The following GRIK3 variants were observed in gnomAD, a reference collection of about 807,000 sequenced individuals.
GRIK3 encodes glutamate ionotropic receptor kainate type subunit 3.
GRIK3 carries 29 observed loss-of-function variants against 102.5 expected under a neutral mutation model. The ratio of observed to expected loss-of-function variants is 0.28; its 90% CI spans 0.21 to 0.39. The LOEUF (loss-of-function observed/expected upper bound fraction) is 0.39. Among genes scored for constraint, GRIK3 ranks in the 10% least tolerant of loss-of-function variants. The pLI is 1.00. For synonymous variants in GRIK3, 511 were observed against 504.9 expected, an observed-to-expected ratio of 1.01 and a Z score of -0.16; for missense variants, 908 against 1,252.4, an observed-to-expected ratio of 0.73 and a Z score of 4.15.
At chr1:37,012,559 G>A (rs1375389333) in intron 1 of GRIK3, among the ~76,000 whole-genome samples, 1 of 152,220 alleles carries the variant, frequency 6.6e-6, no homozygotes, top group Non-Finnish European at 1.5e-5. Context: ...CAGAGTGGAA[G>A]GGAGTTTTAC....
chr1:36,864,393 C>T (rs143504394), intron 5 of GRIK3, among the ~76,000 whole-genome samples: 355 of 152,332 alleles, frequency 2.3e-3, no homozygotes, highest in Non-Finnish European at 4.3e-3. Context: ...GGGCGCCCTC[C>T]TCACCTTTCC....
intron 1 of GRIK3, among the ~76,000 whole-genome samples, chr1:36,976,582 C>G (rs1642198561): frequency 6.6e-6 from 1 of 152,054 alleles, no homozygotes; most frequent in Non-Finnish European, 1.5e-5. Flanking sequence ...TCCGGCTTCA[C>G]AACTGCCCAG....
intron 1 of GRIK3, among the ~76,000 whole-genome samples, chr1:36,978,088 C>T (rs777570825): frequency 6.6e-6 from 1 of 152,272 alleles, no homozygotes; most frequent in African/African-American, 2.4e-5. Context: ...TTAAATAGCA[C>T]TTCCAGAAAA....
intron 8 of GRIK3, among the ~76,000 whole-genome samples, chr1:36,851,589 A>G (rs1570760044): frequency 6.6e-6 from 1 of 152,230 alleles, no homozygotes; most frequent in Non-Finnish European, 1.5e-5. Flanking sequence ...CCCTCACTTG[A>G]GCTCCAACTG....
At chr1:36,934,501 A>C (rs1641632241) in intron 1 of GRIK3, among the ~76,000 whole-genome samples, 1 of 152,212 alleles carries the variant, frequency 6.6e-6, no homozygotes, top group Non-Finnish European at 1.5e-5. Flanking sequence ...ATGCTGTCTC[A>C]TCCACTCTTC....
At chr1:36,829,574 C>A (rs1016863951) in intron 10 of GRIK3, among the ~76,000 whole-genome samples, 1 of 152,014 alleles carries the variant, frequency 6.6e-6, no homozygotes, top group Non-Finnish European at 1.5e-5. Context: ...TCACCAAGGA[C>A]CTTTCTGTAC....
At chr1:37,005,058 G>A (rs949181097) in intron 1 of GRIK3, among the ~76,000 whole-genome samples, 7 of 152,206 alleles carry the variant, frequency 4.6e-5, no homozygotes, top group Non-Finnish European at 1.0e-4. Flanking sequence ...TCTAAAGACA[G>A]TTTCTCTAAT....
Position 36,963,357 on chromosome 1 carries a change from G to C in GRIK3, c.115+70637C>G, listed in dbSNP as rs539770126. 5.3e-5 allele frequency among the ~76,000 whole-genome samples: 8 copies of C among 152,236 alleles called. No homozygotes were observed. In the South Asian group the frequency reaches 1.5e-3, roughly 28 times the overall value. ...CTCCTGAGACCAGGACACTCGAGAC[G>C]CCAGGCAGAACGTGAGAGTCACACC... is the stretch of plus-strand genomic sequence containing the variant. On this transcript the variant is annotated intron_variant, in intron 1 of 15. Coordinates refer to ENST00000373091, the MANE Select transcript of GRIK3 (RefSeq NM_000831.4).
intron 1 of GRIK3, among the ~76,000 whole-genome samples, chr1:37,024,742 C>CAA (rs11314211): frequency 0.09 from 6,371 of 70,668 alleles, 482 homozygotes; most frequent in East Asian, 0.43. Context: ...GACTCCATCT[C>CAA]AAAAAAAAAA....
At chr1:36,952,594 T>C (rs1453855934) in intron 1 of GRIK3, among the ~76,000 whole-genome samples, 1 of 152,188 alleles carries the variant, frequency 6.6e-6, no homozygotes, top group Non-Finnish European at 1.5e-5. Flanking sequence ...ACACACATAA[T>C]GAACACGCAC....
intron 10 of GRIK3, among the ~76,000 whole-genome samples, chr1:36,832,729 G>A (rs1472102105): frequency 6.6e-6 from 1 of 152,202 alleles, no homozygotes; most frequent in African/African-American, 2.4e-5. Flanking sequence ...TGGGAAGGAT[G>A]GGCAGGTCTT....
intron 5 of GRIK3, among the ~76,000 whole-genome samples, chr1:36,861,124 T>C (rs974584300): frequency 1.3e-5 from 2 of 152,216 alleles, no homozygotes; most frequent in African/African-American, 4.8e-5. Context: ...CTGAAATACC[T>C]ATAAATACCC....
chr1:36,886,502 A>G (rs1641039150), intron 2 of GRIK3, among the ~76,000 whole-genome samples: 1 of 152,212 alleles, frequency 6.6e-6, no homozygotes, highest in Non-Finnish European at 1.5e-5. Context: ...CCTGAGGGAT[A>G]GAGGGTACCC....
In GRIK3 at chr1:36,912,522, G is replaced by T. The variant is rs143354603; in HGVS notation, c.116-21426C>A. On this transcript the variant is annotated intron_variant, in intron 1 of 15. Transcript: ENST00000373091. ...CGGTCTCTCTTCCCTGCTCCCTCAT[G>T]GTCCTGATTCCTGGAGCCGCCTCCC... Among the ~76,000 whole-genome samples the T allele has an allele frequency of 4.6e-5, 7 of 151,878 alleles. No individual in the cohort carries two copies. The East Asian group carries it at 1.2e-3, about 25-fold the overall frequency.
intron 15 of GRIK3, among the ~76,000 whole-genome samples, chr1:36,803,393 T>C (rs1642463479): frequency 6.6e-6 from 1 of 152,118 alleles, no homozygotes; most frequent in Non-Finnish European, 1.5e-5. Flanking sequence ...TTAGGCTTTT[T>C]GGTGGAATGA....
chr1:36,932,734 T>C (rs1641609686), intron 1 of GRIK3, among the ~76,000 whole-genome samples: 1 of 152,228 alleles, frequency 6.6e-6, no homozygotes, highest in Admixed American at 6.5e-5. Context: ...TTTCATTCTC[T>C]ACATTTTTGA....
intron 1 of GRIK3, among the ~76,000 whole-genome samples, chr1:36,948,771 C>T (rs1020881618): frequency 6.6e-6 from 1 of 152,146 alleles, no homozygotes; most frequent in Non-Finnish European, 1.5e-5. Flanking sequence ...GGAAGGAGCG[C>T]CTGGCCTCCT....
At chr1:36,910,296 T>C (rs544126502) in intron 1 of GRIK3, among the ~76,000 whole-genome samples, 1 of 152,260 alleles carries the variant, frequency 6.6e-6, no homozygotes, top group Non-Finnish European at 1.5e-5. Context: ...TGCTTTGTAC[T>C]TTTTCTGAAG....
intron 1 of GRIK3, among the ~76,000 whole-genome samples, chr1:36,958,875 GCC>G (rs1641960951): frequency 7.9e-6 from 1 of 126,104 alleles, no homozygotes; most frequent in Non-Finnish European, 1.7e-5. Flanking sequence ...TGTCCTGTGA[GCC>G]TGTGTGCCCT....
Sources: allele counts gnomAD v4.1 joint callset (sites outside exome capture counted in the v4.1 genomes callset), GRCh38; gene constraint gnomAD v4.1.1; transcripts MANE v1.5; gene names NCBI Gene and HGNC (gene_info 2026-07-23, HGNC 2026-07-21).